KCTD19: variants seen among roughly 807,000 people sequenced by gnomAD.
KCTD19 encodes the protein BTB/POZ domain-containing protein KCTD19.
A neutral mutation model predicts 103.5 loss-of-function variants in KCTD19; 67 were observed. The observed-to-expected ratio is 0.65, with a 90% CI of 0.53 to 0.79. The LOEUF (loss-of-function observed/expected upper bound fraction) is 0.79. Ranked by LOEUF, KCTD19 falls within the 30% of genes least tolerant of loss-of-function variation. The pLI, the probability that KCTD19 is intolerant of heterozygous loss-of-function variation, is 0.00. For synonymous variants in KCTD19, 439 were observed against 452.2 expected, an observed-to-expected ratio of 0.97 and a Z score of 0.37; for missense variants, 980 against 1,136.1, an observed-to-expected ratio of 0.86 and a Z score of 1.98.
intron 2 of KCTD19, among the ~76,000 whole-genome samples, chr16:67,308,739 C>A (rs1300676745): frequency 1.3e-5 from 2 of 152,140 alleles, no homozygotes; most frequent in African/African-American, 4.8e-5. Context: ...CAGTTTCAGG[C>A]CAGTTCTTCC....
chr16:67,318,876 A>G (rs1307478284), intron 2 of KCTD19, among the ~76,000 whole-genome samples: 1 of 152,128 alleles, frequency 6.6e-6, no homozygotes, highest in Non-Finnish European at 1.5e-5. Flanking sequence ...ATTAAATTCA[A>G]GAAGGTAGCT....
In KCTD19 at chr16:67,290,783, CCTT is replaced by C. The variant is rs1308815848; in HGVS notation, c.2667+99_2667+101del. 5.7e-6 allele frequency: 6 copies of C among 1,047,402 alleles called. No individual in the cohort carries two copies. The African/African-American group carries it at 8.1e-5, about 14-fold the overall frequency. The allele number at this position is 1,047,402 out of a possible 1,614,324, so 64.9% of individuals were successfully genotyped here. A position where few individuals can be genotyped will look rare whatever the true frequency, so the allele number is the denominator to read the frequency against. On this transcript the variant is annotated intron_variant, in intron 15 of 15. Coordinates refer to ENST00000304372, the MANE Select transcript of KCTD19 (RefSeq NM_001100915.3). ...GCAGTGGCCTAAGCTGCCTGTCTAG[CCTT>C]CTGGGCAGTGCTGGCCCAGCCCTGG...
chr16:67,290,172 T>TC (rs2036663754), intron 15 of KCTD19, among the ~76,000 whole-genome samples: 1 of 128,324 alleles, frequency 7.8e-6, no homozygotes, highest in Admixed American at 7.7e-5. Flanking sequence ...ATTTTCTTTT[T>TC]TTTTTTTTTT....
rs2036859560 is a variant in KCTD19, at chr16:67,303,391, T to C, written c.452-54A>G. ...CACCTCTCAGAAGCCAGGGATCTGA[T>C]TCCAGCAGGGCTTTCACTGACCCAG... On this transcript the variant is annotated intron_variant, in intron 3 of 15. Transcript: ENST00000304372. The surrounding 1 kb of genome is among the most constrained non-coding windows in gnomAD (Gnocchi z 4.3). 2.7e-6 allele frequency: 4 copies of C among 1,493,406 alleles called. No individual in the cohort carries two copies. The East Asian group carries it at 6.9e-5, about 26-fold the overall frequency. 92.5% of individuals were successfully genotyped at this position (1,493,406 alleles called of 1,614,324 possible).
rs1171863798 is a variant in KCTD19 at position 67,291,770 on chromosome 16, T to C, written c.2286A>G (p.Lys762=). The part of the protein sequence containing the change: ...SEVDSLGVIL[K]VTHPPVVGSD... ...TGCCCACCACGGGGGGGTGAGTCAC[T>C]TTGAGGATAACCCCTAGGCTGTCCA... Residue 762 remains lysine (K), a synonymous_variant, in exon 13 of 16, where the codon AAA becomes AAG. Transcript: ENST00000304372. 1.2e-6 allele frequency: 2 copies of C among 1,614,014 alleles called. No homozygotes were observed. Among genetic ancestry groups the C allele is most frequent in the Non-Finnish European group, 1.7e-6 (2 of 1,179,952 alleles).
intron 1 of KCTD19, among the ~76,000 whole-genome samples, chr16:67,322,377 C>T (rs1171731688): frequency 1.3e-5 from 2 of 151,340 alleles, no homozygotes; most frequent in African/African-American, 2.4e-5. Context: ...CGGCTCACTG[C>T]AAACTCCACC....
Position 67,320,614 on chromosome 16 carries a change from C to G in KCTD19, c.275G>C (p.Gly92Ala). 2.5e-6 allele frequency: 4 copies of G among 1,614,170 alleles called. No individual in the cohort carries two copies. The highest frequency in any genetic ancestry group is 3.4e-6 in the Non-Finnish European group (4 of 1,180,012). Residue 92 changes from glycine (G) to alanine (A), a missense_variant, in exon 2 of 16, where the codon GGT becomes GCT. Transcript: ENST00000304372. The surrounding 1 kb of genome is among the most constrained non-coding windows in gnomAD (Gnocchi z 4.0). ...ELNLLYEQAL[G>A]LQLMPLLQTL... ...CTGCAGCAAAGGCATCAGCTGCAAA[C>G]CCAATGCTTGCTCATACAGCAAGTT...
intron 2 of KCTD19, among the ~76,000 whole-genome samples, chr16:67,318,764 C>A (rs913884446): frequency 2.0e-5 from 3 of 151,564 alleles, no homozygotes; most frequent in African/African-American, 7.3e-5. Context: ...GATGCCTTGG[C>A]GTAGAGTCAT....
intron 2 of KCTD19, among the ~76,000 whole-genome samples, chr16:67,311,059 G>A (rs1411944260): frequency 1.3e-5 from 2 of 152,186 alleles, no homozygotes. Flanking sequence ...TGTTCTCTCA[G>A]CAGATATGTT....
At chr16:67,317,942 T>A (rs2037030140) in intron 2 of KCTD19, among the ~76,000 whole-genome samples, 1 of 152,170 alleles carries the variant, frequency 6.6e-6, no homozygotes, top group Non-Finnish European at 1.5e-5. Flanking sequence ...AAGTGTTTGC[T>A]CATTTAGTAA....
Position 67,297,648 on chromosome 16 carries a change from A to G in KCTD19, c.1002T>C (p.Thr334=). 1.2e-6 allele frequency: 2 copies of G among 1,613,922 alleles called. No individual in the cohort carries two copies. Among genetic ancestry groups the G allele is most frequent in the Non-Finnish European group, 1.7e-6 (2 of 1,180,022 alleles). ...TGGTCTCTGTCAGGGGCAGCCGGCA[A>G]GTCCCCAGCCAGTTCCTGCCCAGAG... ...LFQHVKNWLG[T]CRLPLTETIS... The change falls in exon 7 of 16, where the codon ACT becomes ACC. Residue 334 remains threonine (T), a synonymous_variant. Coordinates refer to ENST00000304372, the MANE Select transcript of KCTD19 (RefSeq NM_001100915.3).
At chr16:67,298,056 C>T (rs35939817) in intron 6 of KCTD19, among the ~76,000 whole-genome samples, 2,811 of 150,178 alleles carry the variant, frequency 0.019, 32 homozygotes, top group Middle Eastern at 0.062. Context: ...TGCAGTGGCG[C>T]GATCTCGGCT....
At chr16:67,325,524 G>A (rs923890241) in intron 1 of KCTD19, among the ~76,000 whole-genome samples, 1 of 151,786 alleles carries the variant, frequency 6.6e-6, no homozygotes, top group African/African-American at 2.4e-5. Flanking sequence ...TTACAGACGT[G>A]AGCCACCACG....
At chr16:67,321,992 C>G (rs2037079575) in intron 1 of KCTD19, 1 of 152,288 alleles carries the variant, frequency 6.6e-6, no homozygotes, top group South Asian at 2.1e-4. Context: ...ACATCCCACA[C>G]TTTTAAAACT....
chr16:67,289,554 G>C lies in KCTD19; in HGVS notation c.*15C>G. On this transcript the variant is annotated 3_prime_UTR_variant, in exon 16 of 16. Transcript: ENST00000304372. Reference sequence around the variant, plus strand: ...CTTGGCGGGTGGGGCATGAGGGGCTGCATCTCTGGGCACCCTAGTCCTCTT... The same window carrying C: ...CTTGGCGGGTGGGGCATGAGGGGCTCCATCTCTGGGCACCCTAGTCCTCTT... The C allele has an allele frequency of 6.6e-7, 1 of 1,524,090 alleles. No homozygotes were observed. The highest frequency in any genetic ancestry group is 9.1e-7 in the Non-Finnish European group (1 of 1,098,440). 94.4% of individuals were successfully genotyped at this position (1,524,090 alleles called of 1,614,324 possible).
chr16:67,297,432 T>C, intron 7 of KCTD19, 71 bp downstream of exon 7: 1 of 1,449,370 alleles, frequency 6.9e-7, no homozygotes. Context: ...CCTGGCCACA[T>C]CATCTATTCC....
At chr16:67,315,743 T>C (rs2037006384) in intron 2 of KCTD19, among the ~76,000 whole-genome samples, 1 of 151,974 alleles carries the variant, frequency 6.6e-6, no homozygotes, top group Non-Finnish European at 1.5e-5. Context: ...CCTCCCAAAG[T>C]GCTGGGATTA....
chr16:67,292,934 C>A (rs1428283581), intron 12 of KCTD19, among the ~76,000 whole-genome samples: 1 of 152,144 alleles, frequency 6.6e-6, no homozygotes, highest in Admixed American at 6.6e-5. Context: ...TGGCCCATCC[C>A]TCCTTCCCTC....
chr16:67,307,059 A>G (rs532211042), intron 2 of KCTD19, among the ~76,000 whole-genome samples: 5 of 152,260 alleles, frequency 3.3e-5, no homozygotes, highest in South Asian at 2.1e-4. Flanking sequence ...TTGATATGTA[A>G]TAGTTGTTCA....
Sources: allele counts gnomAD v4.1 joint callset (sites outside exome capture counted in the v4.1 genomes callset), GRCh38; gene constraint gnomAD v4.1.1; non-coding constraint Gnocchi (gnomAD v3.1); transcripts MANE v1.5; gene names NCBI Gene and HGNC (gene_info 2026-07-23, HGNC 2026-07-21).